SHANK2: variants seen among roughly 807,000 people sequenced by gnomAD.
The protein encoded by SHANK2 is SH3 and multiple ankyrin repeat domains protein 2.
Under a neutral mutation model 133.7 loss-of-function variants are expected in SHANK2, and 43 were observed. The ratio of observed to expected loss-of-function variants is 0.32; its 90% CI spans 0.25 to 0.41. SHANK2 has a LOEUF of 0.41. Ranked by LOEUF, SHANK2 falls within the 10% of genes least tolerant of loss-of-function variation. The pLI, the probability that SHANK2 is intolerant of heterozygous loss-of-function variation, is 1.00. For missense variants in SHANK2, 1,994 were observed against 2,235.8 expected (o/e 0.89, Z 2.18); for synonymous variants, 1,017 against 952.8 (o/e 1.07, Z -1.24).
chr11:70,594,703 G>A (rs1286807359), intron 17 of SHANK2, among the ~76,000 whole-genome samples: 6 of 152,150 alleles, frequency 3.9e-5, no homozygotes, highest in South Asian at 2.1e-4. Context: ...GAACAACACC[G>A]TGAACCTCGA....
intron 14 of SHANK2, among the ~76,000 whole-genome samples, chr11:70,749,007 C>T (rs113024914): frequency 2.0e-5 from 1 of 49,332 alleles, no homozygotes; most frequent in Non-Finnish European, 4.1e-5. Flanking sequence ...ACACACACAG[C>T]GACCGACCTG....
intron 2 of SHANK2, among the ~76,000 whole-genome samples, chr11:71,151,023 C>A (rs574893088): frequency 6.6e-6 from 1 of 152,092 alleles, no homozygotes; most frequent in Admixed American, 6.6e-5. Context: ...GGCACCGAGC[C>A]GTGTGGCCCT....
chr11:70,682,598 G>C (rs1405718132), intron 15 of SHANK2, among the ~76,000 whole-genome samples: 1 of 152,234 alleles, frequency 6.6e-6, no homozygotes, highest in Non-Finnish European at 1.5e-5. Flanking sequence ...AATATCTTGA[G>C]ATGGAAAAGT....
At position 70,599,863 on chromosome 11, in the gene SHANK2, A is replaced by AAAAGAAAG. The variant is rs797024328; in HGVS notation, c.2061+59957_2061+59964dup. On this transcript the variant is annotated intron_variant, in intron 17 of 25. Transcript: ENST00000601538. ...AAGGAGAGAACGAAAGAAAGAAATA[A>AAAAGAAAG]AAAGAAAGAAAGAAAGAAAGAAAGA... 3.2e-3 allele frequency among the ~76,000 whole-genome samples: 218 copies of AAAAGAAAG among 68,288 alleles called. 15 individuals are homozygous for AAAAGAAAG. The highest frequency in any genetic ancestry group is 0.011 in the African/African-American group (207 of 19,660). The allele number at this position is 68,288 out of a possible 152,430, so 44.8% of individuals were successfully genotyped here. A position where few individuals can be genotyped will look rare whatever the true frequency, so the allele number is the denominator to read the frequency against.
In SHANK2 at chr11:70,702,442, T is replaced by G. The variant is rs550487995; in HGVS notation, c.1778-3679A>C. Among the ~76,000 whole-genome samples the G allele has an allele frequency of 1.6e-4, 25 of 151,564 alleles. No individual in the cohort carries two copies. The East Asian group carries it at 4.3e-3, about 26-fold the overall frequency. ...ATCATCACCACCATCACCACCAACA[T>G]CATCACCACCATCATCACTATCATC... On this transcript the variant is annotated intron_variant, in intron 14 of 25. Transcript: ENST00000601538.
At chr11:70,655,208 C>T (rs1308527212) in intron 17 of SHANK2, among the ~76,000 whole-genome samples, 2 of 152,250 alleles carry the variant, frequency 1.3e-5, no homozygotes, top group African/African-American at 4.8e-5. Context: ...TGAGTGCTGT[C>T]ACCAGCAAGG....
intron 17 of SHANK2, among the ~76,000 whole-genome samples, chr11:70,557,030 G>A (rs2059840990): frequency 6.6e-6 from 1 of 152,158 alleles, no homozygotes; most frequent in Admixed American, 6.6e-5. Flanking sequence ...AGGCGAGCCT[G>A]ACTGTATTTT....
At chr11:71,186,626 C>T (rs797035561) in intron 2 of SHANK2, among the ~76,000 whole-genome samples, 1 of 152,198 alleles carries the variant, frequency 6.6e-6, no homozygotes, top group Admixed American at 6.5e-5. Flanking sequence ...AAGAGACCTT[C>T]GGGTATGTAA....
intron 23 of SHANK2, 169 bp from the exon 24 acceptor site, chr11:70,489,517 C>A: frequency 1.4e-6 from 1 of 723,910 alleles, no homozygotes; most frequent in Non-Finnish European, 2.5e-6. Flanking sequence ...CACAAGCACG[C>A]TGCGCTTTTG....
At chr11:70,877,580 G>A (rs1188470222) in intron 11 of SHANK2, among the ~76,000 whole-genome samples, 2 of 152,132 alleles carry the variant, frequency 1.3e-5, no homozygotes, top group South Asian at 2.1e-4. Flanking sequence ...AGCTCTGGTT[G>A]TACACATCCG....
chr11:71,109,471 G>A (rs1002537423), intron 6 of SHANK2, among the ~76,000 whole-genome samples: 5 of 152,334 alleles, frequency 3.3e-5, no homozygotes, highest in South Asian at 4.1e-4. Context: ...CATCTTTCCC[G>A]ACCGATGCCC....
At chr11:71,085,360 G>A (rs1397841450) in intron 8 of SHANK2, among the ~76,000 whole-genome samples, 1 of 148,946 alleles carries the variant, frequency 6.7e-6, no homozygotes, top group Non-Finnish European at 1.5e-5. Flanking sequence ...GGAGGCTGAG[G>A]CAAGAGAATT....
chr11:70,949,366 G>T (rs1950800582), intron 10 of SHANK2, among the ~76,000 whole-genome samples: 1 of 152,164 alleles, frequency 6.6e-6, no homozygotes, highest in Non-Finnish European at 1.5e-5. Context: ...CCCCGGGGGC[G>T]CATCATCTTA....
At chr11:71,061,230 T>C (rs1950982608) in intron 9 of SHANK2, among the ~76,000 whole-genome samples, 1 of 152,256 alleles carries the variant, frequency 6.6e-6, no homozygotes, top group South Asian at 2.1e-4. Context: ...CGACCACATC[T>C]ACTCACCTGC....
At chr11:70,746,257 C>T (rs1188847646) in intron 14 of SHANK2, among the ~76,000 whole-genome samples, 1 of 152,236 alleles carries the variant, frequency 6.6e-6, no homozygotes, top group Non-Finnish European at 1.5e-5. Flanking sequence ...CACTCTCCCG[C>T]CTCTCCAGGA....
At chr11:70,738,020 C>T (rs1279472712) in intron 14 of SHANK2, among the ~76,000 whole-genome samples, 1 of 152,244 alleles carries the variant, frequency 6.6e-6, no homozygotes, top group African/African-American at 2.4e-5. Flanking sequence ...GTGCCGGGCT[C>T]GGCAACTACT....
In SHANK2 at chr11:71,092,434, G is replaced by A. The variant is rs529058522; in HGVS notation, c.900C>T (p.His300=). 1.0e-4 allele frequency: 160 copies of A among 1,551,404 alleles called. 4 individuals carry two copies. The South Asian group carries it at 1.1e-3, about 11-fold the overall frequency. ...TVCCKDENGW[H]EIHQACRYGH... is the part of the protein sequence containing the mutation. ...CGGGCCCACGTACCTGGTGGATCTC[G>A]TGCCAGCCGTTCTCATCTTTGCAGC... Residue 300 remains histidine, a synonymous_variant, in exon 8 of 26, where the codon CAC becomes CAT. Transcript: ENST00000601538.
chr11:70,501,623 G>A (rs562095544), intron 20 of SHANK2, among the ~76,000 whole-genome samples: 1 of 152,332 alleles, frequency 6.6e-6, no homozygotes, highest in East Asian at 1.9e-4. Context: ...CATGGCCCAC[G>A]TGGCTGCTAG....
chr11:71,199,157 A>G (rs1172690083), intron 2 of SHANK2, among the ~76,000 whole-genome samples: 1 of 152,190 alleles, frequency 6.6e-6, no homozygotes, highest in Non-Finnish European at 1.5e-5. Flanking sequence ...CAGGAACTGT[A>G]GGCCAGCGTT....
Sources: gnomAD v4.1 joint callset for allele counts (sites outside exome capture counted in the v4.1 genomes callset) on GRCh38, gnomAD v4.1.1 for gene constraint, MANE v1.5 for transcripts, NCBI Gene and HGNC (gene_info 2026-07-23, HGNC 2026-07-21) for gene names.